Variants in EPAS1 observed in about 807,000 individuals in gnomAD.
EPAS1 encodes endothelial PAS domain-containing protein 1.
In EPAS1, 23 loss-of-function variants were observed where a neutral mutation model predicts 87.9. The observed-to-expected ratio is 0.26, with a 90% CI of 0.19 to 0.37. The LOEUF (loss-of-function observed/expected upper bound fraction) is 0.37. Ranked by LOEUF, EPAS1 falls within the 10% of genes least tolerant of loss-of-function variation. EPAS1 has a pLI of 1.00. For missense variants in EPAS1, 1,138 were observed against 1,120.7 expected (o/e 1.02, Z -0.22); for synonymous variants, 508 against 444.3 (o/e 1.14, Z -1.80).
intron 6 of EPAS1, among the ~76,000 whole-genome samples, chr2:46,362,982 TGG>T (rs1684429473): frequency 2.5e-5 from 2 of 78,930 alleles, no homozygotes; most frequent in African/African-American, 1.0e-4. Context: ...GTGGTAGTGG[TGG>T]TGGTGGTGGT....
rs527526316 is a variant in EPAS1 at position 46,339,513 on chromosome 2, TG to T, written c.27-7357del. 3.3e-3 allele frequency among the ~76,000 whole-genome samples: 500 copies of T among 152,336 alleles called. 2 individuals carry two copies. The highest frequency in any genetic ancestry group is 0.012 in the African/African-American group (487 of 41,576). On this transcript the variant is annotated intron_variant, in intron 1 of 15. Coordinates refer to ENST00000263734, the MANE Select transcript of EPAS1 (RefSeq NM_001430.5). The stretch of plus-strand genomic sequence containing the variant: ...CCTCAGTTTTTCCTTATCTCTAAAA[TG>T]GGAATGATGGTAGCTGCTCTTCCTA...
At chr2:46,384,388 C>T (rs746738645) in intron 15 of EPAS1, 121 bp from the exon 16 acceptor site, 59 of 1,389,218 alleles carry the variant, frequency 4.2e-5, no homozygotes, top group Non-Finnish European at 5.9e-5. Context: ...GGACAGACAC[C>T]ACTGAAGGAG....
chr2:46,380,978 G>A lies in EPAS1; in HGVS notation c.2045+261G>A, dbSNP rs901417362. Among the ~76,000 whole-genome samples the A allele has an allele frequency of 1.3e-5, 2 of 152,144 alleles. No homozygotes were observed. Among genetic ancestry groups the A allele is most frequent in the Non-Finnish European group, 2.9e-5 (2 of 68,030 alleles). The stretch of plus-strand genomic sequence containing the variant: ...CCCTGTACCTCAGTGTCTCCCTTCG[G>A]ACCACCACCAGAGTGCCTTTCGTAT... On this transcript the variant is annotated intron_variant, in intron 12 of 15. Coordinates refer to ENST00000263734, the MANE Select transcript of EPAS1 (RefSeq NM_001430.5). The surrounding 1 kb of genome is among the most constrained non-coding windows in gnomAD (Gnocchi z 4.4).
At position 46,376,738 on chromosome 2, in the gene EPAS1, A is replaced by G. The variant is rs764009985; in HGVS notation, c.1234A>G (p.Ile412Val). The change falls in exon 9 of 16, where the codon ATC (isoleucine) becomes GTC (valine). Residue 412 changes from isoleucine (I) to valine (V), a missense_variant. Physicochemically the swap from Ile to Val is conservative, Grantham distance 29 (BLOSUM62 3). Coordinates refer to ENST00000263734, the MANE Select transcript of EPAS1 (RefSeq NM_001430.5). The part of the protein sequence containing the change: ...QLAPTPGDAI[I>V]SLDFGNQNFE... ...GGCTCCCACCCCAGGAGACGCCATC[A>G]TCTCTCTGGATTTCGGTGGGTGCTT... 6.2e-7 allele frequency: 1 copy of G among 1,612,300 alleles called. No individual in the cohort carries two copies. Among genetic ancestry groups the G allele is most frequent in the Non-Finnish European group, 8.5e-7 (1 of 1,179,908 alleles).
chr2:46,321,013 CTG>C (rs1434695795), intron 1 of EPAS1, among the ~76,000 whole-genome samples: 1 of 152,216 alleles, frequency 6.6e-6, no homozygotes, highest in Admixed American at 6.5e-5. Flanking sequence ...AATGGAAACT[CTG>C]TACTCATTAA....
chr2:46,356,430 C>T lies in EPAS1; in HGVS notation c.369+128C>T, dbSNP rs563818828. 257 of 1,243,392 alleles carry T rather than the reference C, an allele frequency of 2.1e-4. 3 individuals are homozygous for T. In the African/African-American group the frequency reaches 3.5e-3, roughly 17 times the overall value. 77.0% of individuals were successfully genotyped at this position (1,243,392 alleles called of 1,614,324 possible). A position where few individuals can be genotyped will look rare whatever the true frequency, so the allele number is the denominator to read the frequency against. ...AATGCCCACGGTGACCCTCGCTGAC[C>T]TCAGGCCACACGCCTCAGGCCACGC... On this transcript the variant is annotated intron_variant, in intron 3 of 15. Transcript: ENST00000263734.
At chr2:46,302,206 AG>A (rs1289144000) in intron 1 of EPAS1, among the ~76,000 whole-genome samples, 7 of 149,832 alleles carry the variant, frequency 4.7e-5, no homozygotes, top group African/African-American at 1.8e-4. Context: ...GAATTTATTA[AG>A]TAAAGTGTTT....
intron 1 of EPAS1, among the ~76,000 whole-genome samples, chr2:46,336,414 G>A (rs999349917): frequency 1.3e-5 from 2 of 152,100 alleles, no homozygotes; most frequent in African/African-American, 4.8e-5. Flanking sequence ...CCTGGAGAAT[G>A]TTGCTAAGGG....
chr2:46,382,133 G>A (rs1684911434), intron 14 of EPAS1, 44 bp downstream of exon 14: 1 of 1,575,146 alleles, frequency 6.3e-7, no homozygotes, highest in Non-Finnish European at 8.7e-7. Context: ...GGTTCTGGTG[G>A]AAGGACTGGG....
intron 1 of EPAS1, among the ~76,000 whole-genome samples, chr2:46,299,101 G>A (rs1030786947): frequency 1.3e-5 from 2 of 152,260 alleles, no homozygotes; most frequent in South Asian, 2.1e-4. Flanking sequence ...AGGGAGGGAG[G>A]TGACTGGCCG....
rs1684872980 is a variant in EPAS1, at chr2:46,380,819, C to T, written c.2045+102C>T. 6.4e-7 allele frequency: 1 copy of T among 1,571,036 alleles called. No homozygotes were observed. The highest frequency in any genetic ancestry group is 8.6e-7 in the Non-Finnish European group (1 of 1,157,660). On this transcript the variant is annotated intron_variant, in intron 12 of 15. Coordinates refer to ENST00000263734, the MANE Select transcript of EPAS1 (RefSeq NM_001430.5). This position sits in a 1 kb window ranked among gnomAD's most constrained non-coding sequence, Gnocchi z 4.4. Reference sequence around the variant, plus strand: ...GGAGGCCCCTGCCCCTCTCCCCAGCCATCTGATACCCCATTTAGCCCTTCT... The same window carrying T: ...GGAGGCCCCTGCCCCTCTCCCCAGCTATCTGATACCCCATTTAGCCCTTCT...
intron 3 of EPAS1, 107 bp from the exon 4 acceptor site, chr2:46,356,617 A>T: frequency 5.5e-6 from 5 of 912,322 alleles, no homozygotes; most frequent in Non-Finnish European, 9.2e-6. Flanking sequence ...AGAAAACCCA[A>T]TTCAGTCTCC....
At chr2:46,345,115 A>G (rs977262268) in intron 1 of EPAS1, among the ~76,000 whole-genome samples, 1 of 152,210 alleles carries the variant, frequency 6.6e-6, no homozygotes, top group Non-Finnish European at 1.5e-5. Flanking sequence ...CTTGAAACCT[A>G]TGAACTTCGC....
At chr2:46,373,310 TACAAAGATTTATAC>T (rs1684666789) in intron 7 of EPAS1, among the ~76,000 whole-genome samples, 1 of 152,178 alleles carries the variant, frequency 6.6e-6, no homozygotes, top group African/African-American at 2.4e-5. Flanking sequence ...AATATGTCCA[TACAAAGATTTATAC>T]ACAAATGTTT....
At chr2:46,315,977 T>C (rs1049325653) in intron 1 of EPAS1, among the ~76,000 whole-genome samples, 1 of 152,218 alleles carries the variant, frequency 6.6e-6, no homozygotes, top group South Asian at 2.1e-4. Context: ...AAAGTCATAG[T>C]AAAAGAAGGC....
chr2:46,323,418 A>T (rs1572619972), intron 1 of EPAS1, among the ~76,000 whole-genome samples: 1 of 152,256 alleles, frequency 6.6e-6, no homozygotes, highest in African/African-American at 2.4e-5. Flanking sequence ...GGAATAAACA[A>T]GACTGAATTA....
At chr2:46,321,652 C>T (rs1683455796) in intron 1 of EPAS1, among the ~76,000 whole-genome samples, 1 of 151,972 alleles carries the variant, frequency 6.6e-6, no homozygotes, top group South Asian at 2.1e-4. Flanking sequence ...AGTGATTTGT[C>T]TTTATAAACA....
At chr2:46,369,496 ACTTGGGGTGAG>A (rs555734720) in intron 6 of EPAS1, among the ~76,000 whole-genome samples, 3 of 152,152 alleles carry the variant, frequency 2.0e-5, no homozygotes, top group Non-Finnish European at 4.4e-5. Flanking sequence ...ATCTGCAAAA[ACTTGGGGTGAG>A]CCCCTTCCAG....
At chr2:46,384,053 G>A (rs1385170175) in intron 15 of EPAS1, among the ~76,000 whole-genome samples, 1 of 152,214 alleles carries the variant, frequency 6.6e-6, no homozygotes, top group Non-Finnish European at 1.5e-5. Flanking sequence ...GAATAGCACA[G>A]AGGCAAGAAG....
Sources: gnomAD v4.1 joint callset for allele counts (sites outside exome capture counted in the v4.1 genomes callset) on GRCh38, gnomAD v4.1.1 for gene constraint, Gnocchi (gnomAD v3.1) non-coding constraint, MANE v1.5 for transcripts, NCBI Gene and HGNC (gene_info 2026-07-23, HGNC 2026-07-21) for gene names.